The following MAP3K5 variants were observed in gnomAD, a reference collection of about 807,000 sequenced individuals.
MAP3K5 encodes the protein ASK-1.
MAP3K5 carries 56 observed loss-of-function variants against 158.7 expected under a neutral mutation model. The observed-to-expected ratio is 0.35, with a 90% confidence interval of 0.28 to 0.44. The LOEUF is 0.44. Ranked by LOEUF, MAP3K5 falls within the 20% of genes least tolerant of loss-of-function variation. The probability of loss-of-function intolerance (pLI) is 1.00; values close to 1 mark genes in which losing one functional copy is unlikely to be tolerated. For missense variants in MAP3K5, 1,294 were observed against 1,674.8 expected (o/e 0.77, Z 3.97); for synonymous variants, 579 against 601.7 (o/e 0.96, Z 0.55).
chr6:136,573,784 G>A (rs1172735490), intron 25 of MAP3K5, among the ~76,000 whole-genome samples: 1 of 152,132 alleles, frequency 6.6e-6, no homozygotes, highest in Non-Finnish European at 1.5e-5. Flanking sequence ...GGGACTCAAG[G>A]GGGCCTTAAA....
intron 7 of MAP3K5, among the ~76,000 whole-genome samples, chr6:136,673,466 T>C (rs1449968023): frequency 1.3e-5 from 2 of 152,098 alleles, no homozygotes; most frequent in Non-Finnish European, 2.9e-5. Context: ...ACAAGGACTT[T>C]AAGATAATTA....
intron 25 of MAP3K5, chr6:136,579,952 T>C (rs764923851): frequency 4.6e-6 from 2 of 433,982 alleles, no homozygotes; most frequent in Admixed American, 2.7e-5. Flanking sequence ...GCTCAATACA[T>C]TGGAAGATTT....
chr6:136,782,059 A>C (rs1165030342), intron 1 of MAP3K5, among the ~76,000 whole-genome samples: 1 of 151,788 alleles, frequency 6.6e-6, no homozygotes, highest in Non-Finnish European at 1.5e-5. Flanking sequence ...CTACTGGAAA[A>C]AAAAAAAAAA....
chr6:136,686,470 C>T (rs1387766930), intron 7 of MAP3K5, among the ~76,000 whole-genome samples: 1 of 151,900 alleles, frequency 6.6e-6, no homozygotes, highest in Non-Finnish European at 1.5e-5. Flanking sequence ...ATAGGAAGAG[C>T]GGAAGTCAAA....
rs1008891797 is a variant in MAP3K5 at position 136,592,479 on chromosome 6, C to T, written c.3014G>A (p.Cys1005Tyr). ...AATTCCCTTGACATCTCTTTCTCCG[C>T]AGGACTTGGCTCTTGTTTTGAAAGA... ...PFSFKTRAKSCGERDVKGIRT... is the reference protein window; with the variant it reads ...PFSFKTRAKSYGERDVKGIRT... Residue 1005 changes from cysteine (C) to tyrosine (Y), a missense_variant, in exon 22 of 30, where the codon TGC becomes TAC. By Grantham distance (194) the Cys-to-Tyr change is radical (BLOSUM62 -2). This residue lies in a region of MAP3K5 where 362 missense variants were observed against 463.2 expected (regional missense o/e 0.78). Coordinates refer to ENST00000359015, the MANE Select transcript of MAP3K5 (RefSeq NM_005923.4). 1 of 1,614,130 alleles carries T rather than the reference C, an allele frequency of 6.2e-7. No individual in the cohort carries two copies. Among genetic ancestry groups the T allele is most frequent in the South Asian group, 1.1e-5 (1 of 91,080 alleles).
chr6:136,732,247 A>G (rs1782258847), intron 1 of MAP3K5, among the ~76,000 whole-genome samples: 1 of 152,128 alleles, frequency 6.6e-6, no homozygotes, highest in Non-Finnish European at 1.5e-5. Context: ...CAACATGGTG[A>G]AATACCGTCT....
intron 17 of MAP3K5, among the ~76,000 whole-genome samples, chr6:136,611,932 A>G (rs1776362069): frequency 6.6e-6 from 1 of 152,220 alleles, no homozygotes; most frequent in South Asian, 2.1e-4. Flanking sequence ...TCACTATTGT[A>G]GAACTGAAGA....
intron 14 of MAP3K5, among the ~76,000 whole-genome samples, chr6:136,627,439 G>A (rs561182280): frequency 6.6e-6 from 1 of 152,136 alleles, no homozygotes; most frequent in East Asian, 1.9e-4. Context: ...GTTACTTTCC[G>A]GATGAAATCC....
At chr6:136,646,341 CTAA>C (rs967166797) in intron 11 of MAP3K5, among the ~76,000 whole-genome samples, 5 of 152,084 alleles carry the variant, frequency 3.3e-5, no homozygotes, top group African/African-American at 4.8e-5. Context: ...AATATATATC[CTAA>C]TATTTCTTAG....
At chr6:136,736,189 AGC>A (rs1782453057) in intron 1 of MAP3K5, among the ~76,000 whole-genome samples, 1 of 152,098 alleles carries the variant, frequency 6.6e-6, no homozygotes, top group African/African-American at 2.4e-5. Context: ...AGTGTGGGTG[AGC>A]GCCTGGGAGC....
Position 136,656,297 on chromosome 6 carries a change from G to C in MAP3K5, c.1680+10C>G. The C allele has an allele frequency of 6.2e-7, 1 of 1,611,070 alleles. No homozygotes were observed. The highest frequency in any genetic ancestry group is 1.1e-5 in the South Asian group (1 of 90,986). On this transcript the variant is annotated intron_variant, in intron 10 of 29. Transcript: ENST00000359015. ...AGAAATGTACTTAGATTTAAAGGAA[G>C]AGTACTCACTGGAAACCTAACCACA...
In MAP3K5 at chr6:136,791,872, C is replaced by T; in HGVS notation, c.286G>A (p.Val96Met). ...GGSRRTTVAY[V>M]INEASQGQLV... Reference sequence around the variant, plus strand: ...TGCCCTTGGCTCGCTTCGTTGATCACATATGCCACCGTGGTCCGTCGGCTG... The same window carrying T: ...TGCCCTTGGCTCGCTTCGTTGATCATATATGCCACCGTGGTCCGTCGGCTG... The change falls in exon 1 of 30, where the codon GTG becomes ATG. Residue 96 changes from valine to methionine, a missense_variant. This residue lies in a region of MAP3K5 where 690 missense variants were observed against 870.5 expected (regional missense o/e 0.79). Transcript: ENST00000359015. 1 of 1,613,706 alleles carries T rather than the reference C, an allele frequency of 6.2e-7. No individual in the cohort carries two copies. Among genetic ancestry groups the T allele is most frequent in the Non-Finnish European group, 8.5e-7 (1 of 1,180,008 alleles).
At chr6:136,597,921 TTAGTGTCTAATAGCCACATATGAC>T (rs1775704608) in intron 21 of MAP3K5, among the ~76,000 whole-genome samples, 2 of 152,314 alleles carry the variant, frequency 1.3e-5, no homozygotes, top group Middle Eastern at 3.4e-3. Context: ...GTAGCCATGT[TTAGTGTCTAATAGCCACATATGAC>T]TAGTGGCTAA....
Position 136,695,879 on chromosome 6 carries a change from A to G in MAP3K5, c.1082+72T>C, listed in dbSNP as rs77163014. 3.0e-5 allele frequency: 26 copies of G among 862,048 alleles called. No individual in the cohort carries two copies. The South Asian group carries it at 4.2e-4, about 14-fold the overall frequency. 53.4% of individuals were successfully genotyped at this position (862,048 alleles called of 1,614,324 possible). The stretch of plus-strand genomic sequence containing the variant: ...CTTCTTGCAATGCTGCAGTGAACAC[A>G]TTCTCTGTAAAGAATTGCAGGTTAC... On this transcript the variant is annotated intron_variant, in intron 6 of 29. Coordinates refer to ENST00000359015, the MANE Select transcript of MAP3K5 (RefSeq NM_005923.4).
Position 136,791,991 on chromosome 6 carries a change from T to C in MAP3K5, c.167A>G (p.Asn56Ser). The C allele has an allele frequency of 6.2e-7, 1 of 1,603,024 alleles. No individual in the cohort carries two copies. Among genetic ancestry groups the C allele is most frequent in the Non-Finnish European group, 8.5e-7 (1 of 1,176,388 alleles). The part of the protein sequence containing the change: ...LPPPPPGSFW[N>S]VESAAAPGIG... Reference sequence around the variant, plus strand: ...GCCAGGGGCAGCGGCGCTCTCCACGTTCCAGAAGCTGCCCGGCGGCGGCGG... The same window carrying C: ...GCCAGGGGCAGCGGCGCTCTCCACGCTCCAGAAGCTGCCCGGCGGCGGCGG... The change falls in exon 1 of 30, where the codon AAC (asparagine) becomes AGC (serine). Residue 56 changes from asparagine to serine, a missense_variant. Transcript: ENST00000359015.
intron 8 of MAP3K5, among the ~76,000 whole-genome samples, chr6:136,665,277 T>C (rs1222706215): frequency 6.6e-6 from 1 of 152,176 alleles, no homozygotes; most frequent in Non-Finnish European, 1.5e-5. Context: ...ACTATAATAG[T>C]GTACTTTTGA....
Position 136,703,757 on chromosome 6 carries a change from C to T in MAP3K5, c.612+1353G>A, listed in dbSNP as rs528996244. 1.1e-4 allele frequency among the ~76,000 whole-genome samples: 16 copies of T among 152,232 alleles called. No individual in the cohort carries two copies. In the South Asian group the frequency reaches 2.5e-3, roughly 24 times the overall value. On this transcript the variant is annotated intron_variant, in intron 3 of 29. Transcript: ENST00000359015. ...GCCTCTGCCCTGGTTAAATCTTAAG[C>T]ATAAGTTTCAAAATTACTTCAGAGT...
At chr6:136,687,693 A>G (rs1457723410) in intron 7 of MAP3K5, among the ~76,000 whole-genome samples, 1 of 152,230 alleles carries the variant, frequency 6.6e-6, no homozygotes, top group African/African-American at 2.4e-5. Flanking sequence ...ACTGGTCATT[A>G]CAAAACGCCA....
intron 21 of MAP3K5, chr6:136,593,741 T>A: frequency 2.5e-6 from 1 of 402,110 alleles, no homozygotes; most frequent in Non-Finnish European, 4.8e-6. Flanking sequence ...AAGAAAGTGG[T>A]TTTTGCCAGA....
Sources: allele counts gnomAD v4.1 joint callset (sites outside exome capture counted in the v4.1 genomes callset), GRCh38; gene constraint gnomAD v4.1.1; regional missense constraint gnomAD v4.1.1; transcripts MANE v1.5; gene names NCBI Gene and HGNC (gene_info 2026-07-23, HGNC 2026-07-21).